Variants in HPS1 observed in about 807,000 individuals in gnomAD.
HPS1 encodes the protein BLOC-3 complex member HPS1.
A neutral mutation model predicts 90.6 loss-of-function variants in HPS1; 59 were observed. That is an observed-to-expected ratio of 0.65 (90% CI 0.53 to 0.81). HPS1 has a LOEUF of 0.81. Ranked by LOEUF, HPS1 falls within the 30% of genes least tolerant of loss-of-function variation. The pLI is 0.00. For missense variants in HPS1, 849 were observed against 896.7 expected, an observed-to-expected ratio of 0.95 and a Z score of 0.68; for synonymous variants, 388 against 384.4, an observed-to-expected ratio of 1.01 and a Z score of -0.11.
chr10:98,426,445 C>G (rs993008971), intron 11 of HPS1, among the ~76,000 whole-genome samples: 2 of 152,204 alleles, frequency 1.3e-5, no homozygotes, highest in African/African-American at 4.8e-5. Flanking sequence ...AAGGCTCCAG[C>G]CTTACAGAGG....
chr10:98,430,953 G>C (rs1190556747), intron 7 of HPS1, among the ~76,000 whole-genome samples, 178 bp downstream of exon 7: 1 of 152,232 alleles, frequency 6.6e-6, no homozygotes, highest in Non-Finnish European at 1.5e-5. Flanking sequence ...TTCCAGGAAG[G>C]AATGATACAG....
Position 98,443,761 on chromosome 10 carries a change from G to A in HPS1, c.1-521C>T, listed in dbSNP as rs188142267. On this transcript the variant is annotated intron_variant, in intron 2 of 19. Coordinates refer to ENST00000361490, the MANE Select transcript of HPS1 (RefSeq NM_000195.5). ...TAAAAACAGTTCCAGGGCTGGGCGCGGTGGCTCACGCCTGTAATCCCAGCA... is the reference window on the plus strand; with the variant it reads ...TAAAAACAGTTCCAGGGCTGGGCGCAGTGGCTCACGCCTGTAATCCCAGCA... Among the ~76,000 whole-genome samples, 1,012 of 152,270 alleles carry A rather than the reference G, an allele frequency of 6.6e-3. 6 individuals are homozygous for A. The highest frequency in any genetic ancestry group is 0.01 in the Admixed American group (154 of 15,310).
chr10:98,427,334 G>A, intron 10 of HPS1, 70 bp from the exon 11 acceptor site: 2 of 1,348,434 alleles, frequency 1.5e-6, no homozygotes, highest in Admixed American at 2.0e-5. Flanking sequence ...AACAGCATGG[G>A]GTAGGGGGCC....
chr10:98,422,919 C>T (rs566867479), intron 16 of HPS1, among the ~76,000 whole-genome samples: 1 of 152,316 alleles, frequency 6.6e-6, no homozygotes, highest in East Asian at 1.9e-4. Flanking sequence ...TACACTTCAT[C>T]ATGAGAGTTT....
chr10:98,425,474 A>G, intron 13 of HPS1, 67 bp downstream of exon 13: 1 of 1,508,280 alleles, frequency 6.6e-7, no homozygotes. Context: ...GCTGCTGTGG[A>G]CCGGATGTAC....
At chr10:98,436,735 C>T (rs957181819) in intron 3 of HPS1, among the ~76,000 whole-genome samples, 4 of 152,182 alleles carry the variant, frequency 2.6e-5, no homozygotes, top group Admixed American at 1.3e-4. Flanking sequence ...AGCAGACTTC[C>T]CAAGAAGATT....
chr10:98,423,583 G>A lies in HPS1; in HGVS notation c.1598+20C>T, dbSNP rs757293177. The stretch of plus-strand genomic sequence containing the variant: ...TCCAAGAGGCTTGTTGGGCTGGCTG[G>A]GGCCCCGGCGTCAGGATATGACACC... On this transcript the variant is annotated intron_variant, in intron 16 of 19. Coordinates refer to ENST00000361490, the MANE Select transcript of HPS1 (RefSeq NM_000195.5). 9 of 1,613,206 alleles carry A rather than the reference G, an allele frequency of 5.6e-6. No individual in the cohort carries two copies. The African/African-American group carries it at 9.3e-5, about 17-fold the overall frequency.
At position 98,430,753 on chromosome 10, in the gene HPS1, G is replaced by A. The variant is rs185146976; in HGVS notation, c.669-83C>T. On this transcript the variant is annotated intron_variant, in intron 7 of 19. Transcript: ENST00000361490. ...GCAGGTTAAAGGAGTGTGGAGCCTG[G>A]CCCCTGCCCTCAAGGAGCAATGTAC... 2.2e-4 allele frequency: 250 copies of A among 1,121,160 alleles called. 4 individuals are homozygous for A. The East Asian group carries it at 6.3e-3, about 28-fold the overall frequency. 69.5% of individuals were successfully genotyped at this position (1,121,160 alleles called of 1,614,324 possible).
intron 17 of HPS1, among the ~76,000 whole-genome samples, chr10:98,421,979 GACACACAC>G (rs200573934): frequency 4.7e-4 from 66 of 139,986 alleles, no homozygotes; most frequent in Admixed American, 8.5e-4. Context: ...CACACACACA[GACACACAC>G]ACACACACAC....
chr10:98,434,222 G>A (rs1846961922), intron 5 of HPS1, 131 bp from the exon 6 acceptor site: 1 of 901,956 alleles, frequency 1.1e-6, no homozygotes, highest in African/African-American at 1.7e-5. Context: ...ACACAGCTGG[G>A]AAAGGGGGCC....
chr10:98,435,427 G>C lies in HPS1; in HGVS notation c.256-13C>G. The C allele has an allele frequency of 6.2e-7, 1 of 1,613,646 alleles. No individual in the cohort carries two copies. Among genetic ancestry groups the C allele is most frequent in the Non-Finnish European group, 8.5e-7 (1 of 1,180,014 alleles). On this transcript the variant is annotated splice_polypyrimidine_tract_variant and intron_variant, in intron 4 of 19. Transcript: ENST00000361490. The surrounding 1 kb of genome is among the most constrained non-coding windows in gnomAD (Gnocchi z 4.3). ...GGCATTCTCCAAACTGCAGGCACAG[G>C]CAGGCCAGTGTCAGCCAGCCCCAAG...
chr10:98,432,190 C>A (rs1846577444), intron 6 of HPS1, among the ~76,000 whole-genome samples: 1 of 152,202 alleles, frequency 6.6e-6, no homozygotes, highest in Admixed American at 6.5e-5. Context: ...GCCTGGTAGG[C>A]TTGGGAAGAG....
intron 16 of HPS1, 22 bp from the exon 17 acceptor site, chr10:98,422,535 C>T: frequency 6.2e-7 from 1 of 1,613,276 alleles, no homozygotes; most frequent in South Asian, 1.1e-5. Flanking sequence ...AGTTAAGGTG[C>T]TTACAAGCCA....
chr10:98,415,732 C>A (rs370179912), downstream of HPS1, among the ~76,000 whole-genome samples: 1 of 152,164 alleles, frequency 6.6e-6, no homozygotes, highest in Non-Finnish European at 1.5e-5. Flanking sequence ...CTGTGTCTGT[C>A]GCTGAGGAGC....
At position 98,417,456 on chromosome 10, in the gene HPS1, C is replaced by T; in HGVS notation, c.*108G>A. On this transcript the variant is annotated 3_prime_UTR_variant, in exon 20 of 20. Coordinates refer to ENST00000361490, the MANE Select transcript of HPS1 (RefSeq NM_000195.5). This position sits in a 1 kb window ranked among gnomAD's most constrained non-coding sequence, Gnocchi z 4.2. The stretch of plus-strand genomic sequence containing the variant: ...CTGGGGCCACCCTGGGCACTCTGCC[C>T]TATCCTCAGGATGGCCACTGCAGAC... 9.7e-7 allele frequency: 1 copy of T among 1,027,318 alleles called. No individual in the cohort carries two copies. The highest frequency in any genetic ancestry group is 1.6e-5 in the South Asian group (1 of 63,670). The allele number at this position is 1,027,318 out of a possible 1,614,324, so 63.6% of individuals were successfully genotyped here.
At chr10:98,430,722 G>A in intron 7 of HPS1, 52 bp from the exon 8 acceptor site, 7 of 1,458,930 alleles carry the variant, frequency 4.8e-6, no homozygotes, top group Non-Finnish European at 6.5e-6. Flanking sequence ...GCAGGAGACG[G>A]GGCAGGCAGG....
intron 10 of HPS1, among the ~76,000 whole-genome samples, chr10:98,428,785 C>T (rs1845950473): frequency 7.0e-6 from 1 of 141,944 alleles, no homozygotes; most frequent in Non-Finnish European, 1.5e-5. Flanking sequence ...TTTGGTTTAT[C>T]TACTTCTCTA....
intron 18 of HPS1, among the ~76,000 whole-genome samples, chr10:98,419,268 C>T (rs1844531386): frequency 1.3e-5 from 2 of 152,156 alleles, no homozygotes; most frequent in Non-Finnish European, 2.9e-5. Context: ...AGACCAAGGG[C>T]TGCGAGGGAG....
chr10:98,421,294 T>C (rs1844821327), intron 17 of HPS1, among the ~76,000 whole-genome samples: 1 of 152,230 alleles, frequency 6.6e-6, no homozygotes, highest in Non-Finnish European at 1.5e-5. Flanking sequence ...ATAATTCCAT[T>C]TCTAGGAATC....
Sources: gnomAD v4.1 joint callset for allele counts (sites outside exome capture counted in the v4.1 genomes callset) on GRCh38, gnomAD v4.1.1 for gene constraint, Gnocchi (gnomAD v3.1) non-coding constraint, MANE v1.5 for transcripts, NCBI Gene and HGNC (gene_info 2026-07-23, HGNC 2026-07-21) for gene names.